MAPK10: variants seen among roughly 807,000 people sequenced by gnomAD.
MAPK10 encodes the protein JNK3 alpha protein kinase.
In MAPK10, 25 loss-of-function variants were observed where a neutral mutation model predicts 59.3. The ratio of observed to expected loss-of-function variants is 0.42; its 90% CI spans 0.31 to 0.59. The LOEUF is 0.59. Ranked by LOEUF, MAPK10 falls within the 20% of genes least tolerant of loss-of-function variation. MAPK10 has a pLI of 0.15. For missense variants in MAPK10, 351 were observed against 568.9 expected (o/e 0.62, Z 3.90); for synonymous variants, 190 against 200.5 (o/e 0.95, Z 0.44).
At chr4:86,428,188 TG>T (rs1276558763) in intron 1 of MAPK10, among the ~76,000 whole-genome samples, 1 of 151,992 alleles carries the variant, frequency 6.6e-6, no homozygotes, top group East Asian at 1.9e-4. Flanking sequence ...TCGCCCAGGC[TG>T]GAGCAGCAAA....
intron 2 of MAPK10, among the ~76,000 whole-genome samples, chr4:86,342,424 T>C (rs768005421): frequency 3.9e-5 from 6 of 152,148 alleles, no homozygotes; most frequent in Admixed American, 6.5e-5. Context: ...ACAATGACAA[T>C]AGTTCCAGGC....
chr4:86,565,788 A>G (rs972750495), intron 1 of MAPK10, among the ~76,000 whole-genome samples: 1 of 152,174 alleles, frequency 6.6e-6, no homozygotes, highest in African/African-American at 2.4e-5. Context: ...GCAGTAAACT[A>G]TCAAACTCCT....
chr4:86,471,695 G>T (rs933881697), intron 1 of MAPK10, among the ~76,000 whole-genome samples: 5 of 152,090 alleles, frequency 3.3e-5, no homozygotes, highest in Non-Finnish European at 5.9e-5. Context: ...AACATAGTTG[G>T]CTTAATTAAA....
At chr4:86,278,915 T>C (rs1218237496) in intron 2 of MAPK10, among the ~76,000 whole-genome samples, 1 of 152,132 alleles carries the variant, frequency 6.6e-6, no homozygotes, top group African/African-American at 2.4e-5. Flanking sequence ...AAGGACATGG[T>C]AAGTAAACAC....
chr4:86,111,899 C>A (rs967394036), intron 4 of MAPK10, among the ~76,000 whole-genome samples: 1 of 151,990 alleles, frequency 6.6e-6, no homozygotes, highest in Non-Finnish European at 1.5e-5. Flanking sequence ...AATTTCAGAA[C>A]TCGTTATTGG....
At chr4:86,493,419 A>AC in intron 1 of MAPK10, among the ~76,000 whole-genome samples, 1 of 152,218 alleles carries the variant, frequency 6.6e-6, no homozygotes, top group African/African-American at 2.4e-5. Flanking sequence ...TCTCTCGTAT[A>AC]TTCTAGGTAG....
intron 1 of MAPK10, among the ~76,000 whole-genome samples, chr4:86,394,275 A>AAAAG (rs551688396): frequency 5.8e-4 from 89 of 152,158 alleles, no homozygotes; most frequent in Middle Eastern, 6.8e-3. Context: ...TTTCAAAAAA[A>AAAAG]AAAGAAAGAA....
intron 1 of MAPK10, among the ~76,000 whole-genome samples, chr4:86,491,006 T>C: frequency 6.6e-6 from 1 of 151,978 alleles, no homozygotes; most frequent in East Asian, 1.9e-4. Flanking sequence ...CTAAATTCCC[T>C]CAGTCCTCAA....
intron 2 of MAPK10, among the ~76,000 whole-genome samples, chr4:86,293,905 G>A (rs1011969924): frequency 1.3e-5 from 2 of 152,096 alleles, no homozygotes; most frequent in South Asian, 4.1e-4. Flanking sequence ...CTCCAACACT[G>A]AGGACTACAT....
At chr4:86,384,626 T>A (rs1741221046) in intron 1 of MAPK10, among the ~76,000 whole-genome samples, 1 of 152,056 alleles carries the variant, frequency 6.6e-6, no homozygotes, top group Non-Finnish European at 1.5e-5. Context: ...CAAGAGATGA[T>A]CATTACATTA....
chr4:86,023,852 A>ATAT (rs1560633949), intron 13 of MAPK10: 3 of 98,484 alleles, frequency 3.0e-5, no homozygotes, highest in African/African-American at 1.1e-4. Flanking sequence ...TATATATATA[A>ATAT]AATGAATGTT....
intron 1 of MAPK10, among the ~76,000 whole-genome samples, chr4:86,588,189 A>G (rs1051405928): frequency 2.6e-5 from 4 of 152,194 alleles, no homozygotes; most frequent in East Asian, 1.9e-4. Context: ...CATGGGTCCA[A>G]CATAAAATAT....
intron 1 of MAPK10, among the ~76,000 whole-genome samples, chr4:86,466,546 T>C (rs1047855564): frequency 1.4e-4 from 21 of 152,224 alleles, no homozygotes; most frequent in Non-Finnish European, 4.4e-5. Context: ...CAACCGAGCT[T>C]GTCTTGGCAG....
At chr4:86,562,428 C>G (rs1658872698) in intron 1 of MAPK10, among the ~76,000 whole-genome samples, 1 of 152,148 alleles carries the variant, frequency 6.6e-6, no homozygotes, top group Non-Finnish European at 1.5e-5. Flanking sequence ...GTGGCTCACA[C>G]CTATAATCCC....
At chr4:86,573,021 T>C (rs1761585764) in intron 1 of MAPK10, among the ~76,000 whole-genome samples, 1 of 152,234 alleles carries the variant, frequency 6.6e-6, no homozygotes, top group Non-Finnish European at 1.5e-5. Context: ...TCATATATTC[T>C]GGATATAACT....
intron 4 of MAPK10, among the ~76,000 whole-genome samples, chr4:86,115,995 A>G (rs963032863): frequency 3.3e-5 from 5 of 152,264 alleles, no homozygotes; most frequent in Non-Finnish European, 7.3e-5. Context: ...CAAGGGCAAC[A>G]GTGGATTTGG....
intron 1 of MAPK10, among the ~76,000 whole-genome samples, chr4:86,376,123 A>G (rs1235235723): frequency 6.6e-6 from 1 of 152,218 alleles, no homozygotes; most frequent in Non-Finnish European, 1.5e-5. Context: ...TGCTTCTAAC[A>G]TAAAGGAAGG....
intron 2 of MAPK10, among the ~76,000 whole-genome samples, chr4:86,325,590 AG>A (rs2148901376): frequency 6.6e-6 from 1 of 152,354 alleles, no homozygotes; most frequent in African/African-American, 2.4e-5. Context: ...AAGAATTAAT[AG>A]ATTTCAAAAA....
At chr4:86,163,304 G>A (rs77967854) in intron 3 of MAPK10, among the ~76,000 whole-genome samples, 1,525 of 152,144 alleles carry the variant, frequency 0.01, 38 homozygotes, top group African/African-American at 0.035. Context: ...AAGGTTCAGA[G>A]CATATTTAAT....
Sources: gnomAD v4.1 joint callset for allele counts (sites outside exome capture counted in the v4.1 genomes callset) on GRCh38, gnomAD v4.1.1 for gene constraint, MANE v1.5 for transcripts, NCBI Gene and HGNC (gene_info 2026-07-23, HGNC 2026-07-21) for gene names.